The following RBFOX1 variants were observed in gnomAD, a reference collection of about 807,000 sequenced individuals.
The protein encoded by RBFOX1 is RNA binding fox-1 homolog 1, also known as RNA binding protein fox-1 homolog 1.
A neutral mutation model predicts 57.7 loss-of-function variants in RBFOX1; 8 were observed. The ratio of observed to expected loss-of-function variants is 0.14; its 90% CI spans 0.08 to 0.25. The LOEUF (loss-of-function observed/expected upper bound fraction) is 0.25. RBFOX1 is among the 10% of genes least tolerant of loss of function. The pLI is 1.00. For missense variants in RBFOX1, 611 were observed against 548.5 expected, an observed-to-expected ratio of 1.11 and a Z score of -1.14; for synonymous variants, 326 against 222.4, an observed-to-expected ratio of 1.47 and a Z score of -4.15.
intron 2 of RBFOX1, among the ~76,000 whole-genome samples, chr16:6,574,941 G>C (rs1417408973): frequency 6.6e-6 from 1 of 151,610 alleles, no homozygotes; most frequent in African/African-American, 2.4e-5. Context: ...GGGAGGCTGA[G>C]GGAGGAGAAT....
At chr16:5,496,370 A>G (rs982386708) in intron 2 of RBFOX1, among the ~76,000 whole-genome samples, 3 of 152,104 alleles carry the variant, frequency 2.0e-5, no homozygotes, top group Non-Finnish European at 4.4e-5. Context: ...CCTGTACCAT[A>G]ATAAGCCTTT....
At chr16:6,907,759 A>C (rs990509459) in intron 3 of RBFOX1, among the ~76,000 whole-genome samples, 1 of 145,938 alleles carries the variant, frequency 6.9e-6, no homozygotes, top group Non-Finnish European at 1.6e-5. Context: ...TTTTTAGTAG[A>C]GATAGGGTTT....
At chr16:7,396,496 A>G (rs1346058442) in intron 4 of RBFOX1, among the ~76,000 whole-genome samples, 1 of 152,186 alleles carries the variant, frequency 6.6e-6, no homozygotes, top group Non-Finnish European at 1.5e-5. Flanking sequence ...CTGATTCATA[A>G]GTGGATGCTC....
chr16:5,712,602 G>A (rs1482784395), intron 3 of RBFOX1, among the ~76,000 whole-genome samples: 3 of 134,942 alleles, frequency 2.2e-5, no homozygotes, highest in Admixed American at 7.8e-5. Flanking sequence ...TAACAGGTAG[G>A]TGACTTATGT....
intron 4 of RBFOX1, among the ~76,000 whole-genome samples, chr16:7,375,279 A>C (rs2097664171): frequency 6.6e-6 from 1 of 152,338 alleles, no homozygotes. Flanking sequence ...GCCTGATTCC[A>C]AAACTACTTC....
At chr16:7,033,065 G>C (rs974888240) in intron 3 of RBFOX1, among the ~76,000 whole-genome samples, 1 of 152,160 alleles carries the variant, frequency 6.6e-6, no homozygotes. Context: ...TCTTCAGAAG[G>C]CAAGAAAGGA....
chr16:6,320,539 A>G (rs1192667692), intron 2 of RBFOX1, among the ~76,000 whole-genome samples: 5 of 152,160 alleles, frequency 3.3e-5, no homozygotes, highest in African/African-American at 1.2e-4. Context: ...TTTAAGGTAT[A>G]TATGAGACAT....
chr16:7,232,700 G>A (rs1393726695), intron 4 of RBFOX1, among the ~76,000 whole-genome samples: 1 of 151,954 alleles, frequency 6.6e-6, no homozygotes, highest in Non-Finnish European at 1.5e-5. Context: ...AATTAGCTGG[G>A]TGTGGTGGTG....
intron 3 of RBFOX1, among the ~76,000 whole-genome samples, chr16:6,999,899 C>T (rs544628295): frequency 6.6e-6 from 1 of 151,812 alleles, no homozygotes; most frequent in Non-Finnish European, 1.5e-5. Context: ...TGGTGAAACC[C>T]TGTCTTTACT....
intron 3 of RBFOX1, among the ~76,000 whole-genome samples, chr16:5,799,292 A>T (rs1041950207): frequency 1.3e-5 from 2 of 152,158 alleles, no homozygotes; most frequent in African/African-American, 4.8e-5. Flanking sequence ...CTCCCACAAC[A>T]CATGGGAATT....
intron 4 of RBFOX1, among the ~76,000 whole-genome samples, chr16:7,337,555 A>G (rs1160009923): frequency 2.0e-5 from 3 of 152,192 alleles, no homozygotes; most frequent in Non-Finnish European, 4.4e-5. Context: ...ACATAGGTCA[A>G]AAGGAGCTGG....
At chr16:6,664,378 C>A (rs1044659373) in intron 3 of RBFOX1, among the ~76,000 whole-genome samples, 14 of 152,198 alleles carry the variant, frequency 9.2e-5, no homozygotes, top group African/African-American at 2.9e-4. Context: ...GGCAACACCT[C>A]ACCCCTGGTC....
chr16:5,401,957 C>T (rs1035006814), intron 1 of RBFOX1, among the ~76,000 whole-genome samples: 7 of 150,024 alleles, frequency 4.7e-5, no homozygotes, highest in African/African-American at 1.7e-4. Context: ...GGTTGATGTC[C>T]TGGTTGGAAA....
chr16:6,321,855 C>T (rs1414681640), intron 2 of RBFOX1, among the ~76,000 whole-genome samples: 5 of 152,164 alleles, frequency 3.3e-5, no homozygotes, highest in Non-Finnish European at 7.3e-5. Flanking sequence ...TTCACTTCTA[C>T]GTTGGTAGGT....
intron 1 of RBFOX1, among the ~76,000 whole-genome samples, chr16:5,417,331 A>G (rs988882241): frequency 6.6e-5 from 10 of 152,250 alleles, no homozygotes; most frequent in African/African-American, 2.4e-4. Flanking sequence ...CAGGCTAGGG[A>G]GAAATTATCT....
At chr16:6,529,124 T>A (rs2096621402) in intron 2 of RBFOX1, among the ~76,000 whole-genome samples, 1 of 152,134 alleles carries the variant, frequency 6.6e-6, no homozygotes, top group African/African-American at 2.4e-5. Flanking sequence ...CGAAATGTGG[T>A]GAATTTGTGC....
At chr16:7,288,817 C>A (rs12448550) in intron 4 of RBFOX1, among the ~76,000 whole-genome samples, 4 of 152,018 alleles carry the variant, frequency 2.6e-5, no homozygotes, top group Non-Finnish European at 5.9e-5. Context: ...CTCCAGCCTG[C>A]GCGATAAAGC....
intron 4 of RBFOX1, among the ~76,000 whole-genome samples, chr16:5,883,478 G>C (rs748098668): frequency 1.3e-4 from 19 of 151,806 alleles, no homozygotes; most frequent in Non-Finnish European, 2.9e-5. Flanking sequence ...ATATTGGTAA[G>C]TAAACTGTCT....
At chr16:6,627,149 C>G (rs143205652) in intron 2 of RBFOX1, among the ~76,000 whole-genome samples, 27 of 152,292 alleles carry the variant, frequency 1.8e-4, no homozygotes, top group Admixed American at 4.6e-4. Flanking sequence ...ATTCTGTCAT[C>G]CAACCCGCAT....
Sources: gnomAD v4.1 joint callset for allele counts (sites outside exome capture counted in the v4.1 genomes callset) on GRCh38, gnomAD v4.1.1 for gene constraint, MANE v1.5 for transcripts, NCBI Gene and HGNC (gene_info 2026-07-23, HGNC 2026-07-21) for gene names.